Variants in COMMD2 observed in about 807,000 individuals in gnomAD.
COMMD2 encodes COMM domain-containing protein 2.
Under a neutral mutation model 22.5 loss-of-function variants are expected in COMMD2, and 25 were observed. That is an observed-to-expected ratio of 1.11 (90% CI 0.81 to 1.55). COMMD2 has a LOEUF of 1.55. COMMD2 is among the 40% of genes most tolerant of loss of function. The pLI, the probability that COMMD2 is intolerant of heterozygous loss-of-function variation, is 0.00. For synonymous variants in COMMD2, 98 were observed against 91.2 expected (o/e 1.07, Z -0.42); for missense variants, 223 against 232.9 (o/e 0.96, Z 0.28).
rs1257779243 is a variant in COMMD2 at position 149,739,739 on chromosome 3, TTC to T, written c.*1780_*1781del. 6.6e-6 allele frequency: 1 copy of T among 152,230 alleles called. No homozygotes were observed. Among genetic ancestry groups the T allele is most frequent in the African/African-American group, 2.4e-5 (1 of 41,452 alleles). The allele number at this position is 152,230 out of a possible 1,614,324, so 9.4% of individuals were successfully genotyped here. A position where few individuals can be genotyped will look rare whatever the true frequency, so the allele number is the denominator to read the frequency against. On this transcript the variant is annotated 3_prime_UTR_variant, in exon 5 of 5. Transcript: ENST00000473414. The stretch of plus-strand genomic sequence containing the variant: ...ATGCTACTATTTCACGTAATAAAGT[TTC>T]TTTTTGTTTGTGAGGTTGTATATGA...
rs1559853893 is a variant in COMMD2, at chr3:149,741,662, G to A, written c.459C>T (p.His153=). ...QIKPAVTIKL[H]LNQNGDHNTK... ...TGTTGTGATCTCCATTTTGATTAAG[G>A]TGTAGCTTTATAGTCACTGCTGGTT... Residue 153 remains histidine, a synonymous_variant, in exon 5 of 5, where the codon CAC becomes CAT. Transcript: ENST00000473414. The A allele has an allele frequency of 1.9e-6, 3 of 1,613,948 alleles. No homozygotes were observed. The South Asian group carries it at 3.3e-5, about 18-fold the overall frequency.
intron 4 of COMMD2, among the ~76,000 whole-genome samples, chr3:149,744,527 G>A (rs887552936): frequency 6.6e-6 from 1 of 152,204 alleles, no homozygotes; most frequent in African/African-American, 2.4e-5. Context: ...CTGGGGAAAT[G>A]TTCCTACTAG....
chr3:149,740,952 A>G lies in COMMD2; in HGVS notation c.*569T>C, dbSNP rs1397558881. On this transcript the variant is annotated 3_prime_UTR_variant, in exon 5 of 5. Coordinates refer to ENST00000473414, the MANE Select transcript of COMMD2 (RefSeq NM_016094.4). Reference sequence around the variant, plus strand: ...GCTAGTTCCAACGGTAGAGCATGAGACTCTTAAAATACAAAATACATCTTA... The same window carrying G: ...GCTAGTTCCAACGGTAGAGCATGAGGCTCTTAAAATACAAAATACATCTTA... 1 of 152,628 alleles carries G rather than the reference A, an allele frequency of 6.6e-6. No homozygotes were observed. The highest frequency in any genetic ancestry group is 1.5e-5 in the Non-Finnish European group (1 of 68,072). 9.5% of individuals were successfully genotyped at this position (152,628 alleles called of 1,614,324 possible). A position where few individuals can be genotyped will look rare whatever the true frequency, so the allele number is the denominator to read the frequency against.
At chr3:149,752,161 C>T in intron 2 of COMMD2, 49 bp downstream of exon 2, 1 of 1,517,046 alleles carries the variant, frequency 6.6e-7, no homozygotes, top group Non-Finnish European at 9.1e-7. Context: ...CAGGGAATGG[C>T]TCGCAACCGC....
chr3:149,749,038 G>C (rs972317345), intron 4 of COMMD2, among the ~76,000 whole-genome samples: 2 of 146,862 alleles, frequency 1.4e-5, no homozygotes, highest in Non-Finnish European at 3.0e-5. Context: ...TTTTTGAGAC[G>C]AAGTCTCCCT....
intron 4 of COMMD2, among the ~76,000 whole-genome samples, chr3:149,746,359 T>G (rs1264591555): frequency 1.3e-5 from 2 of 152,110 alleles, no homozygotes; most frequent in African/African-American, 4.8e-5. Context: ...CCTGTGTGAT[T>G]CAAAGAATGT....
At position 149,741,583 on chromosome 3, in the gene COMMD2, C is replaced by T. The variant is rs1221674729; in HGVS notation, c.538G>A (p.Glu180Lys). 1.2e-6 allele frequency: 2 copies of T among 1,614,010 alleles called. No homozygotes were observed. Among genetic ancestry groups the T allele is most frequent in the Non-Finnish European group, 1.7e-6 (2 of 1,179,986 alleles). Reference protein sequence around the residue: ...ATLLHLVQQLEQALEEMKTNH... With the variant: ...ATLLHLVQQLKQALEEMKTNH... ...GTCTTCATCTCTTCCAATGCTTGTT[C>T]CAGTTGTTGAACCAAATGGAGCAGG... The change falls in exon 5 of 5, where the codon GAA becomes AAA. Residue 180 changes from glutamate (E) to lysine (K), a missense_variant. Physicochemically the swap from Glu to Lys is moderately conservative, Grantham distance 56. Transcript: ENST00000473414.
rs576621340 is a variant in COMMD2 at position 149,741,230 on chromosome 3, C to G, written c.*291G>C. 4.1e-5 allele frequency: 12 copies of G among 289,202 alleles called. No homozygotes were observed. The highest frequency in any genetic ancestry group is 6.8e-5 in the Non-Finnish European group (10 of 147,782). 17.9% of individuals were successfully genotyped at this position (289,202 alleles called of 1,614,324 possible). A position where few individuals can be genotyped will look rare whatever the true frequency, so the allele number is the denominator to read the frequency against. ...GATAGATGCGTGCCACCACACCTGGCTAATTTTTTATATTTTTAGTAGAGA... is the reference window on the plus strand; with the variant it reads ...GATAGATGCGTGCCACCACACCTGGGTAATTTTTTATATTTTTAGTAGAGA... On this transcript the variant is annotated 3_prime_UTR_variant, in exon 5 of 5. Transcript: ENST00000473414.
rs1475649895 is a variant in COMMD2, at chr3:149,738,531, A to G, written c.*2990T>C. 3 of 152,078 alleles carry G rather than the reference A, an allele frequency of 2.0e-5. No homozygotes were observed. The highest frequency in any genetic ancestry group is 2.0e-4 in the Admixed American group (3 of 15,258). 9.4% of individuals were successfully genotyped at this position (152,078 alleles called of 1,614,324 possible). ...TGTAAAGCCTGGTACTATGTTAAACATTCTATATACATGGTCTCATATAGT... is the reference window on the plus strand; with the variant it reads ...TGTAAAGCCTGGTACTATGTTAAACGTTCTATATACATGGTCTCATATAGT... On this transcript the variant is annotated 3_prime_UTR_variant, in exon 5 of 5. Coordinates refer to ENST00000473414, the MANE Select transcript of COMMD2 (RefSeq NM_016094.4).
intron 3 of COMMD2, chr3:149,751,196 T>C: frequency 1.5e-6 from 1 of 680,850 alleles, no homozygotes; most frequent in African/African-American, 1.8e-5. Context: ...TAGAGGTACT[T>C]CTATACTAGC....
At chr3:149,751,759 C>A in intron 2 of COMMD2, 1 of 290,878 alleles carries the variant, frequency 3.4e-6, no homozygotes. Context: ...TCCTTCAAGT[C>A]TGGCAGAAGA....
At chr3:149,741,824 A>C in intron 4 of COMMD2, 106 bp from the exon 5 acceptor site, 1 of 838,402 alleles carries the variant, frequency 1.2e-6, no homozygotes, top group Non-Finnish European at 1.9e-6. Context: ...GTTTCAGATG[A>C]ATTACAGACT....
At chr3:149,747,386 A>G (rs1716402718) in intron 4 of COMMD2, among the ~76,000 whole-genome samples, 1 of 152,204 alleles carries the variant, frequency 6.6e-6, no homozygotes, top group Non-Finnish European at 1.5e-5. Flanking sequence ...AGCAAAGGAG[A>G]CTGAGAAAGA....
chr3:149,739,069 T>C lies in COMMD2; in HGVS notation c.*2452A>G, dbSNP rs1002616506. 6.6e-6 allele frequency: 1 copy of C among 152,182 alleles called. No individual in the cohort carries two copies. The highest frequency in any genetic ancestry group is 1.5e-5 in the Non-Finnish European group (1 of 68,010). 9.4% of individuals were successfully genotyped at this position (152,182 alleles called of 1,614,324 possible). A position where few individuals can be genotyped will look rare whatever the true frequency, so the allele number is the denominator to read the frequency against. On this transcript the variant is annotated 3_prime_UTR_variant, in exon 5 of 5. Coordinates refer to ENST00000473414, the MANE Select transcript of COMMD2 (RefSeq NM_016094.4). The stretch of plus-strand genomic sequence containing the variant: ...TTTTGGCTTTGAGACATGAAGGATA[T>C]GACATTTAAGTCTAAACATGCACCA...
chr3:149,745,133 C>T (rs1449399811), intron 4 of COMMD2, among the ~76,000 whole-genome samples: 2 of 152,108 alleles, frequency 1.3e-5, no homozygotes, highest in Non-Finnish European at 2.9e-5. Flanking sequence ...ACCATCCCCA[C>T]ATCTCCACCG....
At chr3:149,745,252 G>C (rs1484365256) in intron 4 of COMMD2, among the ~76,000 whole-genome samples, 1 of 152,146 alleles carries the variant, frequency 6.6e-6, no homozygotes, top group Non-Finnish European at 1.5e-5. Context: ...ACTGTGTTTT[G>C]TTCTTTGCCG....
chr3:149,742,047 G>C (rs1716243968), intron 4 of COMMD2, among the ~76,000 whole-genome samples: 1 of 151,926 alleles, frequency 6.6e-6, no homozygotes, highest in African/African-American at 2.4e-5. Context: ...AAGGGATTTT[G>C]CAACAGACAT....
In COMMD2 at chr3:149,752,484, G is replaced by T. The variant is rs565018495; in HGVS notation, c.-40C>A. ...GATTTCACCCGGCAGCGCCGACCCC[G>T]CCTTCGCCACTTCCGGCGCCCGTGT... On this transcript the variant is annotated 5_prime_UTR_variant, in exon 1 of 5. Transcript: ENST00000473414. 3.2e-6 allele frequency: 5 copies of T among 1,574,280 alleles called. No homozygotes were observed. The highest frequency in any genetic ancestry group is 3.5e-6 in the Non-Finnish European group (4 of 1,153,888).
intron 4 of COMMD2, among the ~76,000 whole-genome samples, chr3:149,746,868 A>G (rs1179164705): frequency 1.3e-5 from 2 of 152,224 alleles, no homozygotes; most frequent in Non-Finnish European, 2.9e-5. Flanking sequence ...ACTTAGAATC[A>G]TGACAGAAGG....
Sources: gnomAD v4.1 joint callset for allele counts (sites outside exome capture counted in the v4.1 genomes callset) on GRCh38, gnomAD v4.1.1 for gene constraint, MANE v1.5 for transcripts, NCBI Gene and HGNC (gene_info 2026-07-23, HGNC 2026-07-21) for gene names.